The following THSD7B variants were observed in gnomAD, a reference collection of about 807,000 sequenced individuals.
THSD7B encodes the protein thrombospondin type-1 domain-containing protein 7B.
Under a neutral mutation model 213.6 loss-of-function variants are expected in THSD7B, and 138 were observed. The ratio of observed to expected loss-of-function variants is 0.65; its 90% confidence interval spans 0.56 to 0.74. The LOEUF is 0.74. THSD7B is among the 30% of genes least tolerant of loss of function. The pLI is 0.00. For missense variants in THSD7B, 1,931 were observed against 1,991.5 expected (o/e 0.97, Z 0.58); for synonymous variants, 742 against 687.0 (o/e 1.08, Z -1.25).
At chr2:137,315,193 G>C (rs1230511664) in intron 12 of THSD7B, among the ~76,000 whole-genome samples, 1 of 152,190 alleles carries the variant, frequency 6.6e-6, no homozygotes, top group African/African-American at 2.4e-5. Context: ...AGCCAGGTGC[G>C]GGATATAATC....
intron 4 of THSD7B, among the ~76,000 whole-genome samples, chr2:137,108,323 G>A (rs1688292208): frequency 2.0e-5 from 3 of 152,320 alleles, no homozygotes; most frequent in Admixed American, 1.3e-4. Flanking sequence ...TTGCTGTCTG[G>A]CTGTGATGGT....
intron 1 of THSD7B, among the ~76,000 whole-genome samples, chr2:136,819,688 C>A (rs185325596): frequency 3.4e-5 from 5 of 147,192 alleles, no homozygotes; most frequent in Admixed American, 6.6e-5. Flanking sequence ...TTGCTTATGC[C>A]CCCCCCAGTC....
At chr2:137,456,453 A>G (rs562864186) in intron 15 of THSD7B, among the ~76,000 whole-genome samples, 6 of 152,216 alleles carry the variant, frequency 3.9e-5, no homozygotes, top group Non-Finnish European at 7.3e-5. Context: ...GCTATGCTTC[A>G]GATTTAATTT....
chr2:137,404,568 CTATA>C (rs70978216), intron 12 of THSD7B, among the ~76,000 whole-genome samples: 81,762 of 143,938 alleles, frequency 0.57, 26,302 homozygotes, highest in East Asian at 0.77. Flanking sequence ...TATACACACA[CTATA>C]TATATACACA....
intron 1 of THSD7B, among the ~76,000 whole-genome samples, chr2:136,797,071 T>C (rs1056584866): frequency 4.3e-4 from 65 of 151,816 alleles, no homozygotes; most frequent in African/African-American, 1.6e-3. Context: ...TAATTAGGAA[T>C]AAGTGAAATG....
chr2:137,292,330 G>A (rs1348656573), intron 12 of THSD7B, among the ~76,000 whole-genome samples: 1 of 152,112 alleles, frequency 6.6e-6, no homozygotes, highest in Non-Finnish European at 1.5e-5. Flanking sequence ...CAACATATGG[G>A]TCCAAGGCAC....
chr2:137,086,046 C>A (rs1687835239), intron 3 of THSD7B, among the ~76,000 whole-genome samples: 1 of 152,082 alleles, frequency 6.6e-6, no homozygotes. Context: ...AAAAAATACA[C>A]GTTAGAAGTC....
chr2:137,634,766 C>T (rs1682802474), intron 20 of THSD7B, among the ~76,000 whole-genome samples: 1 of 152,018 alleles, frequency 6.6e-6, no homozygotes, highest in South Asian at 2.1e-4. Flanking sequence ...AAATGTTTAC[C>T]AGTTTTGAGA....
chr2:137,145,446 A>G (rs918697400), intron 5 of THSD7B, among the ~76,000 whole-genome samples: 1 of 152,056 alleles, frequency 6.6e-6, no homozygotes, highest in Admixed American at 6.6e-5. Context: ...GATGGTTCTT[A>G]GATAAAGTGC....
rs184889525 is a variant in THSD7B at position 137,441,012 on chromosome 2, C to T, written c.2960-9833C>T. Among the ~76,000 whole-genome samples the T allele has an allele frequency of 7.2e-5, 11 of 152,162 alleles. No individual in the cohort carries two copies. In the East Asian group the frequency reaches 2.1e-3, roughly 29 times the overall value. On this transcript the variant is annotated intron_variant, in intron 14 of 27. Transcript: ENST00000409968. ...GAAGCTGCTATTTAAAGAGCAGATT[C>T]ATTGGTCATTTTGAAGGTAGTTGTT...
intron 2 of THSD7B, among the ~76,000 whole-genome samples, chr2:137,005,627 G>T (rs1301958700): frequency 1.3e-5 from 2 of 152,180 alleles, no homozygotes; most frequent in Non-Finnish European, 2.9e-5. Flanking sequence ...TGAATTTAAA[G>T]TTAGCCTATT....
At chr2:137,164,429 G>A (rs1433803253) in intron 6 of THSD7B, among the ~76,000 whole-genome samples, 2 of 152,210 alleles carry the variant, frequency 1.3e-5, no homozygotes, top group Non-Finnish European at 2.9e-5. Context: ...TACACTGTTG[G>A]TGGGATTGTA....
At chr2:137,519,879 T>C (rs1382596952) in intron 15 of THSD7B, among the ~76,000 whole-genome samples, 1 of 152,188 alleles carries the variant, frequency 6.6e-6, no homozygotes, top group Non-Finnish European at 1.5e-5. Context: ...CACTGGGGCT[T>C]TAAAAGGAAA....
At chr2:136,996,191 C>T (rs1183832656) in intron 2 of THSD7B, among the ~76,000 whole-genome samples, 1 of 152,158 alleles carries the variant, frequency 6.6e-6, no homozygotes, top group Non-Finnish European at 1.5e-5. Context: ...TGTCTGTGTG[C>T]ACTAAGCTAG....
chr2:136,841,239 T>C (rs1300087131), intron 1 of THSD7B, among the ~76,000 whole-genome samples: 1 of 152,166 alleles, frequency 6.6e-6, no homozygotes, highest in Non-Finnish European at 1.5e-5. Context: ...TAAAAATATA[T>C]TTTACTTGTT....
At chr2:136,993,302 T>G (rs549510241) in intron 2 of THSD7B, among the ~76,000 whole-genome samples, 98 of 152,312 alleles carry the variant, frequency 6.4e-4, no homozygotes, top group African/African-American at 2.2e-3. Flanking sequence ...GTCAAACCAG[T>G]GTGCTCCTTT....
intron 1 of THSD7B, among the ~76,000 whole-genome samples, chr2:136,854,707 G>T (rs764198181): frequency 6.6e-6 from 1 of 151,440 alleles, no homozygotes; most frequent in Non-Finnish European, 1.5e-5. Flanking sequence ...ATGAGAAGTA[G>T]TTCAACAGTG....
intron 12 of THSD7B, among the ~76,000 whole-genome samples, chr2:137,402,661 A>G (rs1349130663): frequency 1.3e-5 from 2 of 151,878 alleles, no homozygotes; most frequent in African/African-American, 2.4e-5. Context: ...TACTAAAAAT[A>G]CCAAAAAATT....
At chr2:136,903,461 T>A (rs1051297723) in intron 2 of THSD7B, among the ~76,000 whole-genome samples, 1 of 150,872 alleles carries the variant, frequency 6.6e-6, no homozygotes, top group African/African-American at 2.4e-5. Flanking sequence ...GCTTTCAGAA[T>A]TTTTTTTTTA....
Sources: gnomAD v4.1 joint callset for allele counts (sites outside exome capture counted in the v4.1 genomes callset) on GRCh38, gnomAD v4.1.1 for gene constraint, MANE v1.5 for transcripts, NCBI Gene and HGNC (gene_info 2026-07-23, HGNC 2026-07-21) for gene names.